The following RMND5A variants were observed in gnomAD, a reference collection of about 807,000 sequenced individuals.
RMND5A encodes required for meiotic nuclear division 5 homolog A.
A neutral mutation model predicts 49.7 loss-of-function variants in RMND5A; 17 were observed. The observed-to-expected ratio is 0.34, with a 90% CI of 0.23 to 0.51. The LOEUF (loss-of-function observed/expected upper bound fraction) is 0.51, where lower values mean the gene tolerates loss of function less well. RMND5A is among the 20% of genes least tolerant of loss of function. The probability of loss-of-function intolerance (pLI) is 0.96; values close to 1 mark genes in which losing one functional copy is unlikely to be tolerated. For synonymous variants in RMND5A, 156 were observed against 167.7 expected (o/e 0.93, Z 0.54); for missense variants, 255 against 471.3 (o/e 0.54, Z 4.25).
chr2:86,744,639 A>T (rs1376831129), intron 2 of RMND5A, among the ~76,000 whole-genome samples: 4 of 152,226 alleles, frequency 2.6e-5, no homozygotes, highest in Admixed American at 1.3e-4. Context: ...CTCTGAAAAT[A>T]TAAGCAGAAT....
Position 86,771,766 on chromosome 2 carries a change from G to C in RMND5A, c.1112+54G>C. ...GCAAATAAATTTTGTTTTGGAACTT[G>C]GTAGGAGGATAAGAAGTGATGAGGA... On this transcript the variant is annotated intron_variant, in intron 8 of 8. Transcript: ENST00000283632. 5 of 1,447,584 alleles carry C rather than the reference G, an allele frequency of 3.5e-6. No individual in the cohort carries two copies. In the South Asian group the frequency reaches 3.6e-5, roughly 10 times the overall value. 89.7% of individuals were successfully genotyped at this position (1,447,584 alleles called of 1,614,324 possible).
At chr2:86,750,463 A>T (rs1265764641) in intron 2 of RMND5A, among the ~76,000 whole-genome samples, 2 of 151,890 alleles carry the variant, frequency 1.3e-5, no homozygotes, top group Admixed American at 6.6e-5. Context: ...TCTGTTGAGA[A>T]ATCTGTAGTC....
intron 4 of RMND5A, among the ~76,000 whole-genome samples, chr2:86,764,445 G>T (rs1197340794): frequency 6.6e-6 from 1 of 152,064 alleles, no homozygotes; most frequent in Non-Finnish European, 1.5e-5. Context: ...ATTGAATCTT[G>T]TTTTTTCCCT....
chr2:86,746,516 T>A (rs1681540440), intron 2 of RMND5A, among the ~76,000 whole-genome samples: 1 of 152,238 alleles, frequency 6.6e-6, no homozygotes, highest in Non-Finnish European at 1.5e-5. Context: ...TTATTGTCTC[T>A]AGATACAGAT....
chr2:86,771,724 A>G lies in RMND5A; in HGVS notation c.1112+12A>G. On this transcript the variant is annotated intron_variant, in intron 8 of 8. Coordinates refer to ENST00000283632, the MANE Select transcript of RMND5A (RefSeq NM_022780.4). ...TTTAATGGTAGCAAGTAAGTGTCTG[A>G]CTTTTAAAAAATGTTAGCAAATAAA... 1 of 1,591,380 alleles carries G rather than the reference A, an allele frequency of 6.3e-7. No homozygotes were observed. The highest frequency in any genetic ancestry group is 8.6e-7 in the Non-Finnish European group (1 of 1,164,300).
At chr2:86,757,825 T>G (rs572617892) in intron 4 of RMND5A, among the ~76,000 whole-genome samples, 2 of 152,346 alleles carry the variant, frequency 1.3e-5, no homozygotes, top group Admixed American at 1.3e-4. Context: ...TTAAAAACGA[T>G]AAAAACCTGA....
chr2:86,748,823 G>A (rs1681582931), intron 2 of RMND5A, among the ~76,000 whole-genome samples: 1 of 152,264 alleles, frequency 6.6e-6, no homozygotes, highest in East Asian at 1.9e-4. Context: ...TTCCAGCGTT[G>A]TTTTATTTTT....
intron 4 of RMND5A, among the ~76,000 whole-genome samples, chr2:86,755,670 C>T (rs537111108): frequency 2.0e-4 from 30 of 152,236 alleles, no homozygotes; most frequent in Middle Eastern, 3.4e-3. Context: ...GCCTTTTAAA[C>T]TTTGTGCGTA....
In RMND5A at chr2:86,725,727, G is replaced by A. The variant is rs1271064888; in HGVS notation, c.142+4918G>A. ...TTTTAAAAGAATCCAGTGAAATGACGATTTGTCACTTTTCCTTTTTTCTTT... is the reference window on the plus strand; with the variant it reads ...TTTTAAAAGAATCCAGTGAAATGACAATTTGTCACTTTTCCTTTTTTCTTT... On this transcript the variant is annotated intron_variant, in intron 1 of 8. Coordinates refer to ENST00000283632, the MANE Select transcript of RMND5A (RefSeq NM_022780.4). Among the ~76,000 whole-genome samples, 3 of 79,292 alleles carry A rather than the reference G, an allele frequency of 3.8e-5. 1 individual carries two copies. The highest frequency in any genetic ancestry group is 7.9e-5 in the Non-Finnish European group (3 of 37,946). The allele number at this position is 79,292 out of a possible 152,430, so 52.0% of individuals were successfully genotyped here.
chr2:86,765,201 T>C lies in RMND5A; in HGVS notation c.688+8T>C. On this transcript the variant is annotated splice_region_variant and intron_variant, in intron 5 of 8. Transcript: ENST00000283632. ...CCCTAAATCATCAAAAAGGTGAGTC[T>C]AGAGTCAGATGTTATTAATGTTTGA... 1 of 1,544,382 alleles carries C rather than the reference T, an allele frequency of 6.5e-7. No individual in the cohort carries two copies. The highest frequency in any genetic ancestry group is 1.7e-5 in the African/African-American group (1 of 57,674).
chr2:86,750,160 G>A (rs1477097716), intron 2 of RMND5A, among the ~76,000 whole-genome samples: 2 of 152,214 alleles, frequency 1.3e-5, no homozygotes, highest in Non-Finnish European at 1.5e-5. Context: ...GATAAAGGGT[G>A]CTGAAGTGGA....
intron 4 of RMND5A, among the ~76,000 whole-genome samples, chr2:86,762,159 A>G (rs1312745987): frequency 6.6e-6 from 1 of 152,240 alleles, no homozygotes; most frequent in Non-Finnish European, 1.5e-5. Flanking sequence ...ATAGACTGTT[A>G]CAGAAATCAC....
At chr2:86,771,936 G>A (rs1481462703) in intron 8 of RMND5A, among the ~76,000 whole-genome samples, 1 of 152,054 alleles carries the variant, frequency 6.6e-6, no homozygotes, top group Non-Finnish European at 1.5e-5. Context: ...TTAACTTTTG[G>A]GGTAGGTGAT....
chr2:86,728,870 C>T (rs1356023699), intron 1 of RMND5A, among the ~76,000 whole-genome samples: 10 of 74,908 alleles, frequency 1.3e-4, no homozygotes, highest in East Asian at 2.3e-3. Context: ...TCCCCTGCCT[C>T]AGCCCCCGAG....
rs769569947 is a variant in RMND5A at position 86,751,964 on chromosome 2, C to T, written c.354C>T (p.Leu118=). 5.6e-6 allele frequency: 9 copies of T among 1,613,890 alleles called. No homozygotes were observed. In the East Asian group the frequency reaches 1.3e-4, roughly 24 times the overall value. The stretch of plus-strand genomic sequence containing the variant: ...GGCAGGCAGACAGCCAAAGGCTTCT[C>T]AATGAGGTGATGGTGGAGCACTTCT... The part of the protein sequence containing the change: ...GCWQADSQRL[L]NEVMVEHFFR... Residue 118 remains leucine, a synonymous_variant, in exon 3 of 9, where the codon CTC becomes CTT. Coordinates refer to ENST00000283632, the MANE Select transcript of RMND5A (RefSeq NM_022780.4).
rs534379240 is a variant in RMND5A at position 86,738,514 on chromosome 2, G to C, written c.143-2413G>C. ...GCCCAGATTGTGCCACTGCACTCCA[G>C]TGTGGGCAACAGAGCGAGACCCTGT... On this transcript the variant is annotated intron_variant, in intron 1 of 8. Coordinates refer to ENST00000283632, the MANE Select transcript of RMND5A (RefSeq NM_022780.4). Among the ~76,000 whole-genome samples the C allele has an allele frequency of 4.1e-3, 207 of 50,040 alleles. 53 individuals are homozygous for C. Among genetic ancestry groups the C allele is most frequent in the African/African-American group, 0.015 (200 of 13,324 alleles). The allele number at this position is 50,040 out of a possible 152,430, so 32.8% of individuals were successfully genotyped here. A position where few individuals can be genotyped will look rare whatever the true frequency, so the allele number is the denominator to read the frequency against.
chr2:86,746,567 G>A (rs1370763663), intron 2 of RMND5A, among the ~76,000 whole-genome samples: 1 of 152,256 alleles, frequency 6.6e-6, no homozygotes, highest in Non-Finnish European at 1.5e-5. Context: ...TGAAGTCACA[G>A]AGTTGGGATT....
intron 2 of RMND5A, among the ~76,000 whole-genome samples, chr2:86,743,567 C>G (rs184846746): frequency 6.6e-6 from 1 of 151,952 alleles, no homozygotes; most frequent in Admixed American, 6.6e-5. Flanking sequence ...CAGGTTCAAG[C>G]GATTCTCCTG....
chr2:86,755,346 T>G (rs1370963126), intron 4 of RMND5A, among the ~76,000 whole-genome samples: 2 of 152,242 alleles, frequency 1.3e-5, no homozygotes, highest in Non-Finnish European at 2.9e-5. Flanking sequence ...CTCAAACTTC[T>G]GGCCTCAAGT....
Sources: allele counts gnomAD v4.1 joint callset (sites outside exome capture counted in the v4.1 genomes callset), GRCh38; gene constraint gnomAD v4.1.1; transcripts MANE v1.5; gene names NCBI Gene and HGNC (gene_info 2026-07-23, HGNC 2026-07-21).